SH2D4A: variants seen among roughly 807,000 people sequenced by gnomAD.
SH2D4A encodes the protein SH2 domain-containing protein 4A.
Under a neutral mutation model 64.7 loss-of-function variants are expected in SH2D4A, and 70 were observed. The ratio of observed to expected loss-of-function variants is 1.08; its 90% confidence interval spans 0.89 to 1.32. The LOEUF (loss-of-function observed/expected upper bound fraction) is 1.32, where lower values mean the gene tolerates loss of function less well. SH2D4A is among the 40% of genes most tolerant of loss of function. SH2D4A has a pLI of 0.00. For synonymous variants in SH2D4A, 268 were observed against 200.7 expected (o/e 1.34, Z -2.83); for missense variants, 706 against 540.1 (o/e 1.31, Z -3.04).
intron 4 of SH2D4A, among the ~76,000 whole-genome samples, chr8:19,349,384 A>T (rs1188539885): frequency 6.6e-6 from 1 of 152,252 alleles, no homozygotes; most frequent in Non-Finnish European, 1.5e-5. Flanking sequence ...TTAAAAGCAA[A>T]CAAATAATCA....
chr8:19,370,763 A>G (rs2053081576), intron 7 of SH2D4A, among the ~76,000 whole-genome samples: 1 of 152,110 alleles, frequency 6.6e-6, no homozygotes, highest in Non-Finnish European at 1.5e-5. Flanking sequence ...AGGGCTTACT[A>G]TGGCAATTTT....
chr8:19,355,171 G>A (rs1399518881), intron 4 of SH2D4A, among the ~76,000 whole-genome samples: 3 of 152,124 alleles, frequency 2.0e-5, no homozygotes, highest in East Asian at 3.9e-4. Flanking sequence ...AAGAAAGAAG[G>A]GTTACCTGCC....
At chr8:19,320,570 A>G (rs2052171336) in intron 2 of SH2D4A, among the ~76,000 whole-genome samples, 1 of 146,900 alleles carries the variant, frequency 6.8e-6, no homozygotes, top group African/African-American at 2.5e-5. Context: ...GCCACACTGA[A>G]CTGAAATCAC....
rs149918320 is a variant in SH2D4A, at chr8:19,325,981, T to A, written c.181+6253T>A. Reference sequence around the variant, plus strand: ...GAAAGAACATGATGGCAACTTCACATCCCTGCTTGCCCAGTGGGGTCCTGT... The same window carrying A: ...GAAAGAACATGATGGCAACTTCACAACCCTGCTTGCCCAGTGGGGTCCTGT... On this transcript the variant is annotated intron_variant, in intron 2 of 9. Transcript: ENST00000265807. Among the ~76,000 whole-genome samples, 410 of 152,280 alleles carry A rather than the reference T, an allele frequency of 2.7e-3. 2 individuals are homozygous for A. The highest frequency in any genetic ancestry group is 0.01 in the Middle Eastern group (3 of 294).
rs1479485454 is a variant in SH2D4A at position 19,333,079 on chromosome 8, C to T, written c.306C>T (p.Ala102=). The change falls in exon 3 of 10, where the codon GCC becomes GCT. Residue 102 remains alanine (A), a synonymous_variant. Coordinates refer to ENST00000265807, the MANE Select transcript of SH2D4A (RefSeq NM_022071.4). ...VLCNEIIAER[A]RLKAEQEAEE... Reference sequence around the variant, plus strand: ...GTAATGAAATTATTGCTGAGAGGGCCCGGCTGAAAGCAGAACAGGAGGCAG... The same window carrying T: ...GTAATGAAATTATTGCTGAGAGGGCTCGGCTGAAAGCAGAACAGGAGGCAG... 1.2e-6 allele frequency: 2 copies of T among 1,613,540 alleles called. No homozygotes were observed. Among genetic ancestry groups the T allele is most frequent in the Non-Finnish European group, 8.5e-7 (1 of 1,179,938 alleles).
intron 8 of SH2D4A, among the ~76,000 whole-genome samples, chr8:19,389,362 C>T (rs1400969458): frequency 6.6e-6 from 1 of 152,190 alleles, no homozygotes; most frequent in African/African-American, 2.4e-5. Flanking sequence ...GTTAGGGTAG[C>T]CCCTAAACAC....
chr8:19,336,659 C>T (rs1416410395), intron 4 of SH2D4A, among the ~76,000 whole-genome samples: 1 of 151,996 alleles, frequency 6.6e-6, no homozygotes, highest in African/African-American at 2.4e-5. Context: ...TCCAGACAAG[C>T]CTGGGCATAA....
chr8:19,382,067 T>C (rs1002396698), intron 8 of SH2D4A, among the ~76,000 whole-genome samples: 3 of 152,202 alleles, frequency 2.0e-5, no homozygotes, highest in Non-Finnish European at 2.9e-5. Flanking sequence ...GCTTTTATAA[T>C]TGCCTATGTA....
At chr8:19,361,750 G>C (rs978920891) in intron 6 of SH2D4A, among the ~76,000 whole-genome samples, 2 of 152,174 alleles carry the variant, frequency 1.3e-5, no homozygotes, top group African/African-American at 4.8e-5. Context: ...TTGGAAAGGT[G>C]AGATTCAAGA....
At chr8:19,351,666 A>C (rs918756968) in intron 4 of SH2D4A, among the ~76,000 whole-genome samples, 2 of 152,134 alleles carry the variant, frequency 1.3e-5, no homozygotes, top group African/African-American at 4.8e-5. Flanking sequence ...TATGCTATTA[A>C]TTCTTCATTT....
chr8:19,334,053 G>C (rs1405313481), intron 3 of SH2D4A, among the ~76,000 whole-genome samples: 1 of 152,182 alleles, frequency 6.6e-6, no homozygotes, highest in Non-Finnish European at 1.5e-5. Flanking sequence ...AACTCGGAGG[G>C]AAACTGAGGC....
chr8:19,379,853 C>G (rs576899666), intron 8 of SH2D4A, among the ~76,000 whole-genome samples: 1 of 152,180 alleles, frequency 6.6e-6, no homozygotes, highest in Non-Finnish European at 1.5e-5. Flanking sequence ...CTTCCCACCT[C>G]AGCCTCCCGA....
chr8:19,384,805 C>G (rs548303944), intron 8 of SH2D4A, among the ~76,000 whole-genome samples: 1 of 152,160 alleles, frequency 6.6e-6, no homozygotes, highest in Non-Finnish European at 1.5e-5. Flanking sequence ...AGGTTCATTT[C>G]TTCATTCTAT....
intron 7 of SH2D4A, 34 bp from the exon 8 acceptor site, chr8:19,373,496 T>A (rs1004692761): frequency 2.6e-6 from 4 of 1,527,398 alleles, no homozygotes; most frequent in Non-Finnish European, 3.5e-6. Context: ...TCAAATTAGT[T>A]AAATCTAACT....
intron 7 of SH2D4A, among the ~76,000 whole-genome samples, chr8:19,370,939 A>G (rs1449915730): frequency 2.0e-5 from 3 of 152,156 alleles, no homozygotes; most frequent in Non-Finnish European, 4.4e-5. Context: ...TCCTATAGTT[A>G]TAACAAGTTA....
intron 7 of SH2D4A, among the ~76,000 whole-genome samples, chr8:19,371,137 T>G (rs1243471909): frequency 6.6e-6 from 1 of 152,168 alleles, no homozygotes; most frequent in East Asian, 1.9e-4. Flanking sequence ...AGTCTTCATA[T>G]CTTTATATTA....
intron 2 of SH2D4A, among the ~76,000 whole-genome samples, chr8:19,323,020 A>T (rs978025712): frequency 1.3e-5 from 2 of 152,124 alleles, no homozygotes; most frequent in Non-Finnish European, 2.9e-5. Flanking sequence ...AGGGGCTGAA[A>T]AACTATCAGC....
chr8:19,341,995 T>C (rs2052537083), intron 4 of SH2D4A, among the ~76,000 whole-genome samples: 1 of 152,164 alleles, frequency 6.6e-6, no homozygotes, highest in Admixed American at 6.5e-5. Flanking sequence ...TCAACCCAAA[T>C]ATTGATGTGT....
At chr8:19,320,127 C>T (rs1054927947) in intron 2 of SH2D4A, among the ~76,000 whole-genome samples, 1 of 152,078 alleles carries the variant, frequency 6.6e-6, no homozygotes, top group Non-Finnish European at 1.5e-5. Context: ...TTTCTTAGAC[C>T]TCAGAGATTT....
Sources: gnomAD v4.1 joint callset for allele counts (sites outside exome capture counted in the v4.1 genomes callset) on GRCh38, gnomAD v4.1.1 for gene constraint, MANE v1.5 for transcripts, NCBI Gene and HGNC (gene_info 2026-07-23, HGNC 2026-07-21) for gene names.